The following IL1R1 variants were observed in gnomAD, a reference collection of about 807,000 sequenced individuals.
IL1R1 encodes interleukin 1 receptor type 1.
A neutral mutation model predicts 50.2 loss-of-function variants in IL1R1; 22 were observed. The ratio of observed to expected loss-of-function variants is 0.44; its 90% CI spans 0.31 to 0.63. IL1R1 has a LOEUF of 0.63. IL1R1 is among the 20% of genes least tolerant of loss of function. The pLI is 0.07. For synonymous variants in IL1R1, 251 were observed against 236.7 expected (o/e 1.06, Z -0.55); for missense variants, 509 against 676.2 (o/e 0.75, Z 2.74).
intron 2 of IL1R1, among the ~76,000 whole-genome samples, chr2:102,155,792 A>ATTGCCCC (rs1307592785): frequency 6.6e-6 from 1 of 152,142 alleles, no homozygotes; most frequent in Non-Finnish European, 1.5e-5. Flanking sequence ...CAGCTGGTTC[A>ATTGCCCC]TTGCCCCTTG....
At chr2:102,159,211 G>A (rs1371539597) in intron 3 of IL1R1, among the ~76,000 whole-genome samples, 2 of 152,160 alleles carry the variant, frequency 1.3e-5, no homozygotes, top group East Asian at 3.8e-4. Context: ...TATAAAATTG[G>A]AGACCTCAGC....
At chr2:102,078,980 G>A (rs1320173280) in intron 1 of IL1R1, among the ~76,000 whole-genome samples, 2 of 152,034 alleles carry the variant, frequency 1.3e-5, no homozygotes, top group Non-Finnish European at 2.9e-5. Context: ...TAGAATAAAG[G>A]ATGGAATTGC....
intron 1 of IL1R1, among the ~76,000 whole-genome samples, chr2:102,085,760 T>A (rs1254130296): frequency 2.0e-5 from 3 of 152,114 alleles, no homozygotes; most frequent in African/African-American, 7.2e-5. Context: ...GCGATTTTGA[T>A]TGGGATTGCA....
intron 1 of IL1R1, among the ~76,000 whole-genome samples, chr2:102,089,622 A>G (rs969439643): frequency 3.3e-5 from 5 of 152,282 alleles, no homozygotes; most frequent in African/African-American, 1.2e-4. Context: ...CCCCCACAGT[A>G]TCTGTGAGGT....
In IL1R1 at chr2:102,174,684, T is replaced by C. The variant is rs139669898; in HGVS notation, c.1089T>C (p.Ile363=). 2.5e-6 allele frequency: 4 copies of C among 1,612,426 alleles called. No homozygotes were observed. The Admixed American group carries it at 5.0e-5, about 20-fold the overall frequency. ...VFIYKIFKID[I]VLWYRDSCYD... is the part of the protein sequence containing the mutation. ...TCTATAAAATCTTCAAGATTGACATTGTGCTTTGGTACAGGGATTCCTGCT... is the reference window on the plus strand; with the variant it reads ...TCTATAAAATCTTCAAGATTGACATCGTGCTTTGGTACAGGGATTCCTGCT... Residue 363 remains isoleucine, a synonymous_variant, in exon 10 of 12, where the codon ATT becomes ATC. Coordinates refer to ENST00000410023, the MANE Select transcript of IL1R1 (RefSeq NM_000877.4).
At chr2:102,119,144 T>C (rs1167910249) in intron 1 of IL1R1, among the ~76,000 whole-genome samples, 1 of 152,108 alleles carries the variant, frequency 6.6e-6, no homozygotes, top group Non-Finnish European at 1.5e-5. Flanking sequence ...ACGAAAACAT[T>C]TATGGGAGGG....
At chr2:102,077,759 T>A (rs1171618523) in intron 1 of IL1R1, among the ~76,000 whole-genome samples, 2 of 152,166 alleles carry the variant, frequency 1.3e-5, no homozygotes, top group African/African-American at 4.8e-5. Context: ...ACAAGAACAG[T>A]GAAATACACA....
intron 3 of IL1R1, among the ~76,000 whole-genome samples, chr2:102,159,216 C>G (rs1454736866): frequency 6.6e-6 from 1 of 152,176 alleles, no homozygotes; most frequent in Non-Finnish European, 1.5e-5. Flanking sequence ...AATTGGAGAC[C>G]TCAGCAAGCG....
At chr2:102,104,012 A>AG (rs56278139), upstream of IL1R1, among the ~76,000 whole-genome samples, 5 of 150,138 alleles carry the variant, frequency 3.3e-5, no homozygotes, top group African/African-American at 1.2e-4. Flanking sequence ...AAAAAAAAAA[A>AG]GAGGAGGCTT....
intron 9 of IL1R1, 121 bp from the exon 10 acceptor site, chr2:102,174,466 G>A: frequency 1.6e-6 from 1 of 637,374 alleles, no homozygotes; most frequent in Non-Finnish European, 2.6e-6. Flanking sequence ...AATATTGTCT[G>A]AATGCAGGCC....
intron 1 of IL1R1, among the ~76,000 whole-genome samples, chr2:102,147,767 C>T (rs1683285982): frequency 6.6e-6 from 1 of 152,152 alleles, no homozygotes; most frequent in Non-Finnish European, 1.5e-5. Context: ...ATCCACATGC[C>T]TTAGTTGAAA....
rs148301284 is a variant in IL1R1, at chr2:102,157,993, C to G, written c.61+208C>G. On this transcript the variant is annotated intron_variant, in intron 3 of 11. Coordinates refer to ENST00000410023, the MANE Select transcript of IL1R1 (RefSeq NM_000877.4). ...TCCCATATAGAGTGGGAAACTGAGGCCTAGTGAGGCTGAGAGCCCAAGGTC... is the reference window on the plus strand; with the variant it reads ...TCCCATATAGAGTGGGAAACTGAGGGCTAGTGAGGCTGAGAGCCCAAGGTC... 1.3e-3 allele frequency among the ~76,000 whole-genome samples: 203 copies of G among 152,306 alleles called. 1 individual carries two copies. The highest frequency in any genetic ancestry group is 4.6e-3 in the African/African-American group (193 of 41,562).
rs1055574537 is a variant in IL1R1, at chr2:102,147,220, G to T, written c.-84+4200G>T. 2.0e-5 allele frequency among the ~76,000 whole-genome samples: 3 copies of T among 152,132 alleles called. No individual in the cohort carries two copies. The South Asian group carries it at 6.2e-4, about 32-fold the overall frequency. ...TGTTGCAATTTATGGAACTGTCCAC[G>T]TAAGTTTTGTGTGTTTCACCATGAG... is the stretch of plus-strand genomic sequence containing the variant. On this transcript the variant is annotated intron_variant, in intron 1 of 11. Coordinates refer to ENST00000410023, the MANE Select transcript of IL1R1 (RefSeq NM_000877.4).
In IL1R1 at chr2:102,177,694, A is replaced by T. The variant is rs917402159; in HGVS notation, c.*935A>T. 1.3e-5 allele frequency: 2 copies of T among 152,372 alleles called. No individual in the cohort carries two copies. The highest frequency in any genetic ancestry group is 2.9e-5 in the Non-Finnish European group (2 of 68,072). The allele number at this position is 152,372 out of a possible 1,614,324, so 9.4% of individuals were successfully genotyped here. A position where few individuals can be genotyped will look rare whatever the true frequency, so the allele number is the denominator to read the frequency against. Reference sequence around the variant, plus strand: ...GCTTTCCACAGGAGGGAGAGAACTTAAAAAAGCAACAGTAGCAGGGAATTG... The same window carrying T: ...GCTTTCCACAGGAGGGAGAGAACTTTAAAAAGCAACAGTAGCAGGGAATTG... On this transcript the variant is annotated 3_prime_UTR_variant, in exon 12 of 12. Coordinates refer to ENST00000410023, the MANE Select transcript of IL1R1 (RefSeq NM_000877.4).
In IL1R1 at chr2:102,121,052, C is replaced by T. The variant is rs1681378010; in HGVS notation, c.-84+16180C>T. On this transcript the variant is annotated intron_variant, in intron 1 of 10. Transcript: ENST00000409329. ...GGCCCTAGTGTTAATCTGCATCCTGCAGGGTTTCCCTCTTAGGCTGTCATC... is the reference window on the plus strand; with the variant it reads ...GGCCCTAGTGTTAATCTGCATCCTGTAGGGTTTCCCTCTTAGGCTGTCATC... Among the ~76,000 whole-genome samples the T allele has an allele frequency of 1.3e-5, 2 of 152,176 alleles. 1 individual carries two copies. Among genetic ancestry groups the T allele is most frequent in the South Asian group, 4.1e-4 (2 of 4,828 alleles).
At chr2:102,153,560 G>A (rs936660223) in intron 1 of IL1R1, among the ~76,000 whole-genome samples, 4 of 152,156 alleles carry the variant, frequency 2.6e-5, no homozygotes, top group African/African-American at 7.2e-5. Context: ...TAATCCCCAT[G>A]TGTCCAGGGA....
intron 1 of IL1R1, among the ~76,000 whole-genome samples, chr2:102,108,383 A>G (rs567687935): frequency 1.1e-3 from 172 of 152,232 alleles, no homozygotes; most frequent in African/African-American, 3.9e-3. Context: ...ATTCTTGTAC[A>G]GGAAAACCAG....
At chr2:102,172,522 C>T in intron 8 of IL1R1, 165 bp from the exon 9 acceptor site, 1 of 1,117,972 alleles carries the variant, frequency 8.9e-7, no homozygotes, top group Admixed American at 3.5e-5. Context: ...TATAAAATCT[C>T]AGATTAGTGT....
At chr2:102,175,729 T>A in intron 11 of IL1R1, 84 bp downstream of exon 11, 1 of 1,282,794 alleles carries the variant, frequency 7.8e-7, no homozygotes, top group South Asian at 1.2e-5. Flanking sequence ...TAGAAGATCG[T>A]GGCATAGGGG....
Sources: gnomAD v4.1 joint callset for allele counts (sites outside exome capture counted in the v4.1 genomes callset) on GRCh38, gnomAD v4.1.1 for gene constraint, MANE v1.5 for transcripts, NCBI Gene and HGNC (gene_info 2026-07-23, HGNC 2026-07-21) for gene names.